PITPNC1: variants seen among roughly 807,000 people sequenced by gnomAD.
PITPNC1 encodes cytoplasmic phosphatidylinositol transfer protein 1.
Under a neutral mutation model 44.7 loss-of-function variants are expected in PITPNC1, and 18 were observed. The ratio of observed to expected loss-of-function variants is 0.40; its 90% CI spans 0.28 to 0.60. PITPNC1 has a LOEUF of 0.60. Ranked by LOEUF, PITPNC1 falls within the 20% of genes least tolerant of loss-of-function variation. The probability of loss-of-function intolerance (pLI) is 0.39; values close to 1 mark genes in which losing one functional copy is unlikely to be tolerated. For missense variants in PITPNC1, 290 were observed against 418.4 expected, an observed-to-expected ratio of 0.69 and a Z score of 2.68; for synonymous variants, 141 against 149.6, an observed-to-expected ratio of 0.94 and a Z score of 0.42.
intron 8 of PITPNC1, among the ~76,000 whole-genome samples, chr17:67,691,781 G>A (rs1042279308): frequency 2.0e-5 from 3 of 152,200 alleles, no homozygotes; most frequent in Admixed American, 6.5e-5. Flanking sequence ...TTAGGCAGGC[G>A]GATCACTTGA....
intron 1 of PITPNC1, among the ~76,000 whole-genome samples, chr17:67,461,298 T>C (rs534765076): frequency 4.6e-5 from 7 of 152,384 alleles, no homozygotes; most frequent in South Asian, 2.1e-4. Context: ...GCTTCTGGAA[T>C]CTTCCTACTG....
intron 4 of PITPNC1, among the ~76,000 whole-genome samples, chr17:67,563,345 A>C (rs957719743): frequency 6.6e-6 from 1 of 152,232 alleles, no homozygotes; most frequent in African/African-American, 2.4e-5. Flanking sequence ...TGGCAAGAGA[A>C]GAATGCATTG....
In PITPNC1 at chr17:67,516,263, G is replaced by A. The variant is rs117573464; in HGVS notation, c.49-16539G>A. Among the ~76,000 whole-genome samples the A allele has an allele frequency of 5.3e-3, 814 of 152,296 alleles. 4 individuals are homozygous for A. The highest frequency in any genetic ancestry group is 8.0e-3 in the Non-Finnish European group (547 of 68,016). On this transcript the variant is annotated intron_variant, in intron 1 of 8. Transcript: ENST00000581322. ...GCCTTTTTATCTGCATGTCAAACAA[G>A]TGGCCAAGGAGATTAATGCCTGAGT...
At chr17:67,477,181 C>T (rs1374597703) in intron 1 of PITPNC1, among the ~76,000 whole-genome samples, 1 of 151,546 alleles carries the variant, frequency 6.6e-6, no homozygotes, top group Non-Finnish European at 1.5e-5. Flanking sequence ...GCTCAAGGGA[C>T]CCTCCTGCCT....
intron 1 of PITPNC1, among the ~76,000 whole-genome samples, chr17:67,383,152 C>G (rs1206369184): frequency 6.6e-6 from 1 of 151,476 alleles, no homozygotes; most frequent in Non-Finnish European, 1.5e-5. Flanking sequence ...TTGTACCACC[C>G]CAGCCAGCTA....
chr17:67,677,716 C>T (rs2042628244), intron 8 of PITPNC1, among the ~76,000 whole-genome samples: 1 of 151,750 alleles, frequency 6.6e-6, no homozygotes, highest in Non-Finnish European at 1.5e-5. Flanking sequence ...TTACAGGCTC[C>T]CACCACCACG....
intron 5 of PITPNC1, among the ~76,000 whole-genome samples, chr17:67,609,451 G>A (rs776458548): frequency 8.6e-5 from 13 of 151,552 alleles, no homozygotes; most frequent in South Asian, 2.1e-4. Context: ...CACCATGCCC[G>A]GCTAACTTTT....
chr17:67,534,057 G>C (rs1343484733), intron 2 of PITPNC1, among the ~76,000 whole-genome samples: 1 of 151,826 alleles, frequency 6.6e-6, no homozygotes, highest in Admixed American at 6.6e-5. Context: ...ACCACTCCTG[G>C]CTAATTTTTG....
chr17:67,378,638 C>A (rs1278588733), intron 1 of PITPNC1, among the ~76,000 whole-genome samples: 1 of 152,056 alleles, frequency 6.6e-6, no homozygotes, highest in Non-Finnish European at 1.5e-5. Context: ...AGGAGCCCTG[C>A]GCCCTCGGGA....
chr17:67,451,616 CT>C (rs2143950038), intron 1 of PITPNC1, among the ~76,000 whole-genome samples: 1 of 151,536 alleles, frequency 6.6e-6, no homozygotes, highest in South Asian at 2.1e-4. Context: ...ACATGTAGTC[CT>C]TTGAGACTGA....
At chr17:67,532,042 G>A (rs1253279825) in intron 1 of PITPNC1, among the ~76,000 whole-genome samples, 1 of 152,210 alleles carries the variant, frequency 6.6e-6, no homozygotes, top group African/African-American at 2.4e-5. Flanking sequence ...GACAGAAAAT[G>A]TTCATATAGT....
intron 1 of PITPNC1, among the ~76,000 whole-genome samples, chr17:67,516,842 ACTCCTGACCT>A (rs959872259): frequency 1.3e-5 from 2 of 151,758 alleles, no homozygotes; most frequent in Non-Finnish European, 2.9e-5. Flanking sequence ...CTGGTCTCAA[ACTCCTGACCT>A]CAGGTGATCT....
At chr17:67,516,300 C>T (rs2144099444) in intron 1 of PITPNC1, among the ~76,000 whole-genome samples, 1 of 152,290 alleles carries the variant, frequency 6.6e-6, no homozygotes, top group South Asian at 2.1e-4. Flanking sequence ...CATGCTGCAG[C>T]TAGACGGGCT....
intron 5 of PITPNC1, among the ~76,000 whole-genome samples, chr17:67,614,231 T>G (rs757507476): frequency 6.6e-6 from 1 of 152,152 alleles, no homozygotes; most frequent in Non-Finnish European, 1.5e-5. Context: ...CTTTATGTCC[T>G]CAGATCTTCT....
intron 1 of PITPNC1, among the ~76,000 whole-genome samples, chr17:67,438,083 G>GA (rs564508949): frequency 1.1e-3 from 161 of 149,180 alleles, no homozygotes; most frequent in East Asian, 7.3e-3. Flanking sequence ...AAGAAAAAAA[G>GA]AAAAAAAAAG....
intron 4 of PITPNC1, among the ~76,000 whole-genome samples, chr17:67,575,240 C>T (rs1272558900): frequency 8.7e-6 from 1 of 115,390 alleles, no homozygotes; most frequent in Non-Finnish European, 1.9e-5. Flanking sequence ...GGGCATCCCC[C>T]CACGTTCTCA....
intron 2 of PITPNC1, among the ~76,000 whole-genome samples, chr17:67,537,420 C>T (rs926079486): frequency 5.9e-5 from 9 of 151,662 alleles, no homozygotes; most frequent in Non-Finnish European, 7.4e-5. Flanking sequence ...AAAATAATAG[C>T]GAAAATATAA....
chr17:67,544,149 C>T (rs546107687), intron 2 of PITPNC1, among the ~76,000 whole-genome samples: 4 of 152,312 alleles, frequency 2.6e-5, no homozygotes, highest in Non-Finnish European at 2.9e-5. Context: ...CCACACCCGG[C>T]GTGTGCTTGG....
At chr17:67,397,170 G>C (rs946505802) in intron 1 of PITPNC1, among the ~76,000 whole-genome samples, 10 of 151,836 alleles carry the variant, frequency 6.6e-5, no homozygotes, top group Admixed American at 6.6e-4. Context: ...TAGTATAGAC[G>C]GGGTTTCTCC....
Sources: allele counts gnomAD v4.1 joint callset (sites outside exome capture counted in the v4.1 genomes callset), GRCh38; gene constraint gnomAD v4.1.1; transcripts MANE v1.5; gene names NCBI Gene and HGNC (gene_info 2026-07-23, HGNC 2026-07-21).